The following COL25A1 variants were observed in gnomAD, a reference collection of about 807,000 sequenced individuals.
COL25A1 encodes the protein collagen type XXV alpha 1 chain.
COL25A1 carries 103 observed loss-of-function variants against 128.4 expected under a neutral mutation model. The ratio of observed to expected loss-of-function variants is 0.80; its 90% CI spans 0.68 to 0.94. The LOEUF is 0.94. Ranked by LOEUF, COL25A1 falls within the 40% of genes least tolerant of loss-of-function variation. COL25A1 has a pLI of 0.00. For missense variants in COL25A1, 745 were observed against 840.0 expected (o/e 0.89, Z 1.40); for synonymous variants, 279 against 277.2 (o/e 1.01, Z -0.06).
At chr4:109,025,653 C>G (rs1758194890) in intron 5 of COL25A1, among the ~76,000 whole-genome samples, 1 of 152,028 alleles carries the variant, frequency 6.6e-6, no homozygotes, top group Non-Finnish European at 1.5e-5. Context: ...AAAAATGAAG[C>G]CTGTTTTAAA....
At chr4:108,936,824 T>TATATATATATATA (rs4036496) in intron 11 of COL25A1, among the ~76,000 whole-genome samples, 1 of 147,514 alleles carries the variant, frequency 6.8e-6, no homozygotes, top group Non-Finnish European at 1.5e-5. Context: ...TATATATATA[T>TATATATATATATA]TTAGAGACAG....
At chr4:109,130,895 T>A (rs571699479) in intron 3 of COL25A1, among the ~76,000 whole-genome samples, 2 of 152,310 alleles carry the variant, frequency 1.3e-5, no homozygotes, top group East Asian at 3.9e-4. Flanking sequence ...TGTTTATAAT[T>A]CATATACCAA....
chr4:108,823,401 G>T (rs1379933555), intron 35 of COL25A1, among the ~76,000 whole-genome samples: 1 of 152,074 alleles, frequency 6.6e-6, no homozygotes, highest in African/African-American at 2.4e-5. Context: ...AGGATGGAGG[G>T]AGGGAGGGAA....
chr4:109,270,677 G>A (rs1221723096), intron 3 of COL25A1, among the ~76,000 whole-genome samples: 2 of 151,986 alleles, frequency 1.3e-5, no homozygotes, highest in Non-Finnish European at 2.9e-5. Context: ...ATTTTACCAC[G>A]TGACACTAAC....
At chr4:109,108,707 CTTCA>C (rs1766695989) in intron 3 of COL25A1, among the ~76,000 whole-genome samples, 1 of 151,996 alleles carries the variant, frequency 6.6e-6, no homozygotes, top group Non-Finnish European at 1.5e-5. Flanking sequence ...TTCTCCAATC[CTTCA>C]TTAAGGTGAT....
intron 3 of COL25A1, among the ~76,000 whole-genome samples, chr4:109,071,929 C>G (rs1310177564): frequency 6.6e-6 from 1 of 152,132 alleles, no homozygotes; most frequent in South Asian, 2.1e-4. Context: ...ACCATTTGAC[C>G]CAGCCATCCC....
chr4:108,886,327 T>C (rs10452183), intron 18 of COL25A1, among the ~76,000 whole-genome samples: 83,162 of 151,824 alleles, frequency 0.55, 24,147 homozygotes, highest in East Asian at 1. Flanking sequence ...AAAAGGTTAT[T>C]TTCTAACTAG....
intron 8 of COL25A1, among the ~76,000 whole-genome samples, chr4:108,954,696 GA>G (rs145550077): frequency 0.22 from 33,088 of 151,070 alleles, 3,706 homozygotes; most frequent in Non-Finnish European, 0.24. Context: ...ATATATAATA[GA>G]AAAAAAAGAT....
intron 8 of COL25A1, among the ~76,000 whole-genome samples, chr4:108,969,626 C>T (rs1041410343): frequency 6.6e-6 from 1 of 152,178 alleles, no homozygotes; most frequent in South Asian, 2.1e-4. Context: ...CCACCTCCCA[C>T]TCCACCTCTC....
intron 3 of COL25A1, among the ~76,000 whole-genome samples, chr4:109,298,443 T>C (rs1288037895): frequency 6.6e-6 from 1 of 152,136 alleles, no homozygotes; most frequent in Non-Finnish European, 1.5e-5. Context: ...TGGGCATCTG[T>C]CCACAGGAAC....
chr4:109,140,866 G>C (rs2262657), intron 3 of COL25A1, among the ~76,000 whole-genome samples: 1 of 151,920 alleles, frequency 6.6e-6, no homozygotes, highest in Non-Finnish European at 1.5e-5. Context: ...ATATGCAATC[G>C]TGTCATCTGC....
At chr4:108,949,054 T>C (rs898215731) in intron 8 of COL25A1, among the ~76,000 whole-genome samples, 2 of 152,196 alleles carry the variant, frequency 1.3e-5, no homozygotes, top group African/African-American at 4.8e-5. Flanking sequence ...GTAGAATTCC[T>C]GAAGAAGCAT....
intron 8 of COL25A1, among the ~76,000 whole-genome samples, chr4:108,969,812 G>C (rs1293287569): frequency 6.7e-6 from 1 of 149,348 alleles, no homozygotes; most frequent in African/African-American, 2.6e-5. Context: ...TGTCCTAAAT[G>C]AGTGACATAG....
chr4:108,937,719 A>G (rs1201013221), intron 11 of COL25A1, 89 bp downstream of exon 11: 3 of 1,121,910 alleles, frequency 2.7e-6, no homozygotes, highest in East Asian at 2.5e-5. Context: ...ATAGTCTGTC[A>G]TATGACAGAT....
At chr4:109,038,545 ATTC>A (rs1170160703) in intron 5 of COL25A1, among the ~76,000 whole-genome samples, 1 of 152,078 alleles carries the variant, frequency 6.6e-6, no homozygotes, top group African/African-American at 2.4e-5. Flanking sequence ...ATCCCATTGG[ATTC>A]TTTTTAGTCT....
intron 3 of COL25A1, among the ~76,000 whole-genome samples, chr4:109,170,439 A>C (rs1284933597): frequency 6.6e-6 from 1 of 152,118 alleles, no homozygotes; most frequent in African/African-American, 2.4e-5. Flanking sequence ...GAACACCAAT[A>C]TTCAGTGTGA....
intron 3 of COL25A1, among the ~76,000 whole-genome samples, chr4:109,152,000 A>G (rs1282094211): frequency 6.6e-6 from 1 of 152,098 alleles, no homozygotes; most frequent in Non-Finnish European, 1.5e-5. Context: ...TTTCCTAATG[A>G]TGTTCCTAGA....
At chr4:109,139,920 G>GCT (rs1560756868) in intron 3 of COL25A1, among the ~76,000 whole-genome samples, 8 of 150,642 alleles carry the variant, frequency 5.3e-5, no homozygotes, top group Non-Finnish European at 2.9e-5. Flanking sequence ...GAGAACATAT[G>GCT]GTGTTTGGTT....
At chr4:108,896,046 C>T (rs938176944) in intron 16 of COL25A1, among the ~76,000 whole-genome samples, 18 of 147,146 alleles carry the variant, frequency 1.2e-4, no homozygotes, top group African/African-American at 3.5e-4. Flanking sequence ...CCCAGGTTCA[C>T]GCCATTCTCC....
Sources: gnomAD v4.1 joint callset for allele counts (sites outside exome capture counted in the v4.1 genomes callset) on GRCh38, gnomAD v4.1.1 for gene constraint, MANE v1.5 for transcripts, NCBI Gene and HGNC (gene_info 2026-07-23, HGNC 2026-07-21) for gene names.